Variants in MT4 observed in about 807,000 individuals in gnomAD.
MT4 encodes the protein metallothionein 4, also known as metallothionein-4.
In MT4, 11 loss-of-function variants were observed where a neutral mutation model predicts 9.5. The observed-to-expected ratio is 1.16, with a 90% CI of 0.73 to 1.92. MT4 has a LOEUF of 1.92. Ranked by LOEUF, MT4 falls within the 30% of genes most tolerant of loss-of-function variation. The pLI, the probability that MT4 is intolerant of heterozygous loss-of-function variation, is 0.00. For missense variants in MT4, 88 were observed against 78.7 expected (o/e 1.12, Z -0.45); for synonymous variants, 29 against 24.6 (o/e 1.18, Z -0.53).
chr16:56,566,774 GAAA>G (rs1959531925), intron 1 of MT4, among the ~76,000 whole-genome samples: 5 of 20,072 alleles, frequency 2.5e-4, no homozygotes, highest in African/African-American at 4.2e-4. Context: ...AGGAAGGAAA[GAAA>G]GAAAGAAAGA....
intron 1 of MT4, among the ~76,000 whole-genome samples, chr16:56,566,083 A>AAAAG (rs1422099495): frequency 6.6e-6 from 1 of 152,110 alleles, no homozygotes; most frequent in South Asian, 2.1e-4. Context: ...GAAGAAAAGA[A>AAAAG]AAAGAAAGAA....
Position 56,568,895 on chromosome 16 carries a change from G to A in MT4, c.152G>A (p.Cys51Tyr), listed in dbSNP as rs201252388. The stretch of plus-strand genomic sequence containing the variant: ...GCCAAATGTGCCCGGGGCTGCATCT[G>A]CAAAGGAGGCTCAGACAAGTGCAGC... ...GCAKCARGCI[C>Y]KGGSDKCSCC... Residue 51 changes from cysteine to tyrosine, a missense_variant, in exon 3 of 3, where the codon TGC becomes TAC. Cys to Tyr is a radical substitution (Grantham distance 194, BLOSUM62 -2). Transcript: ENST00000219162. 9.6e-5 allele frequency: 154 copies of A among 1,608,076 alleles called. No individual in the cohort carries two copies. The highest frequency in any genetic ancestry group is 1.3e-4 in the Non-Finnish European group (150 of 1,176,926).
At chr16:56,568,287 A>G (rs1228560092) in intron 2 of MT4, among the ~76,000 whole-genome samples, 352 of 134,572 alleles carry the variant, frequency 2.6e-3, no homozygotes, top group Middle Eastern at 3.7e-3. Flanking sequence ...GAAAGAAAGA[A>G]AGAAAGAAAG....
intron 1 of MT4, among the ~76,000 whole-genome samples, chr16:56,565,692 C>T (rs1959509205): frequency 6.6e-6 from 1 of 152,062 alleles, no homozygotes; most frequent in Non-Finnish European, 1.5e-5. Context: ...TGCTTAATTC[C>T]ACGGAGCATG....
intron 1 of MT4, among the ~76,000 whole-genome samples, chr16:56,566,443 G>T (rs1215989850): frequency 6.6e-6 from 1 of 151,796 alleles, no homozygotes; most frequent in Non-Finnish European, 1.5e-5. Context: ...AGAGCTTGAG[G>T]CTACAGTGAG....
rs371430379 is a variant in MT4 at position 56,567,787 on chromosome 16, C to A, written c.68C>A (p.Thr23Lys). Reference sequence around the variant, plus strand: ...ATGTGTGGAGACAACTGCAAATGCACAACCTGCAACTGTAAAACATATTGG... The same window carrying A: ...ATGTGTGGAGACAACTGCAAATGCAAAACCTGCAACTGTAAAACATATTGG... ...ICMCGDNCKC[T>K]TCNCKTYWKS... Residue 23 changes from threonine (T) to lysine (K), a missense_variant, in exon 2 of 3, where the codon ACA becomes AAA. Transcript: ENST00000219162. 1 of 1,613,284 alleles carries A rather than the reference C, an allele frequency of 6.2e-7. No homozygotes were observed. Among genetic ancestry groups the A allele is most frequent in the African/African-American group, 1.3e-5 (1 of 74,918 alleles).
intron 2 of MT4, among the ~76,000 whole-genome samples, chr16:56,568,249 AAGAAAGAAAGAGAGAGAGAGAG>A (rs1959572006): frequency 6.7e-5 from 3 of 44,996 alleles, no homozygotes; most frequent in African/African-American, 1.6e-4. Context: ...GAAAGAAAGA[AAGAAAGAAAGAGAGAGAGAGAG>A]AGAAAGAAAG....
intron 2 of MT4, among the ~76,000 whole-genome samples, chr16:56,568,548 T>C (rs1363337275): frequency 6.6e-6 from 1 of 152,050 alleles, no homozygotes; most frequent in African/African-American, 2.4e-5. Context: ...GTAACAGGGA[T>C]AGAGCACTGG....
At chr16:56,568,793 T>C in intron 2 of MT4, 48 bp from the exon 3 acceptor site, 1 of 1,333,980 alleles carries the variant, frequency 7.5e-7, no homozygotes, top group Non-Finnish European at 1.0e-6. Flanking sequence ...AGTGGTGAGA[T>C]GGAAGTGTTG....
At chr16:56,566,638 G>T (rs1431557246) in intron 1 of MT4, among the ~76,000 whole-genome samples, 1 of 147,468 alleles carries the variant, frequency 6.8e-6, no homozygotes, top group Non-Finnish European at 1.5e-5. Context: ...GGGAGAGAGA[G>T]AGAGAAAGAG....
rs576064333 is a variant in MT4 at position 56,565,214 on chromosome 16, G to A, written c.31+55G>A. ...GGAACCTTGGACCAGCTTCCTACAG[G>A]GAGCCTGCAGGTCCCTGATGAAAAC... On this transcript the variant is annotated intron_variant, in intron 1 of 2. Transcript: ENST00000219162. 9 of 1,579,742 alleles carry A rather than the reference G, an allele frequency of 5.7e-6. 1 individual carries two copies. The South Asian group carries it at 1.0e-4, about 18-fold the overall frequency.
chr16:56,568,695 CCTCCTAT>C, intron 2 of MT4, 139 bp from the exon 3 acceptor site: 2 of 572,866 alleles, frequency 3.5e-6, no homozygotes, highest in East Asian at 5.8e-5. Context: ...CATGCCTCAA[CCTCCTAT>C]CTCAGCATTT....
chr16:56,566,304 A>T (rs542027042), intron 1 of MT4, among the ~76,000 whole-genome samples: 1 of 151,900 alleles, frequency 6.6e-6, no homozygotes, highest in South Asian at 2.1e-4. Context: ...CAGGATGATC[A>T]CTTATGCCCA....
intron 1 of MT4, among the ~76,000 whole-genome samples, chr16:56,566,722 GAAAGAAAGAAAGAAAGAAA>G (rs1567329794): frequency 2.3e-3 from 110 of 48,542 alleles, no homozygotes; most frequent in South Asian, 3.6e-3. Context: ...AAGAAAGAAA[GAAAGAAAGAAAGAAAGAAA>G]GAAAGAAGGA....
chr16:56,567,224 A>C (rs1221246694), intron 1 of MT4, among the ~76,000 whole-genome samples: 1 of 151,042 alleles, frequency 6.6e-6, no homozygotes, highest in Non-Finnish European at 1.5e-5. Flanking sequence ...GGGTTTCTCC[A>C]TGTTGGCCAA....
At chr16:56,565,751 C>T (rs1959510010) in intron 1 of MT4, among the ~76,000 whole-genome samples, 1 of 152,058 alleles carries the variant, frequency 6.6e-6, no homozygotes, top group African/African-American at 2.4e-5. Context: ...TGGGCTTTTA[C>T]AATCATGGAA....
intron 1 of MT4, among the ~76,000 whole-genome samples, chr16:56,566,823 G>GA (rs200945899): frequency 1.9e-4 from 15 of 80,090 alleles, no homozygotes; most frequent in African/African-American, 5.6e-4. Flanking sequence ...AGAAAGAAAA[G>GA]AAAGAAAGAA....
In MT4 at chr16:56,568,909, G is replaced by A; in HGVS notation, c.166G>A (p.Asp56Asn). Residue 56 changes from aspartate to asparagine, a missense_variant, in exon 3 of 3, where the codon GAC (aspartate) becomes AAC (asparagine). By Grantham distance (23) the Asp-to-Asn change is conservative. Coordinates refer to ENST00000219162, the MANE Select transcript of MT4 (RefSeq NM_032935.3). ...GGGCTGCATCTGCAAAGGAGGCTCA[G>A]ACAAGTGCAGCTGCTGCCCATGAAA... is the stretch of plus-strand genomic sequence containing the variant. Reference protein sequence around the residue: ...ARGCICKGGSDKCSCCP With the variant: ...ARGCICKGGSNKCSCCP The A allele has an allele frequency of 6.2e-7, 1 of 1,606,682 alleles. No homozygotes were observed. The highest frequency in any genetic ancestry group is 8.5e-7 in the Non-Finnish European group (1 of 1,176,226).
intron 2 of MT4, among the ~76,000 whole-genome samples, chr16:56,568,261 G>A (rs6145849): frequency 6.3e-4 from 42 of 66,784 alleles, no homozygotes; most frequent in African/African-American, 1.9e-3. Flanking sequence ...GAAAGAAAGA[G>A]AGAGAGAGAG....
Sources: allele counts gnomAD v4.1 joint callset (sites outside exome capture counted in the v4.1 genomes callset), GRCh38; gene constraint gnomAD v4.1.1; transcripts MANE v1.5; gene names NCBI Gene and HGNC (gene_info 2026-07-23, HGNC 2026-07-21).